Variants in ZNF615 observed in about 807,000 individuals in gnomAD.
ZNF615 encodes the protein zinc finger protein 615.
A neutral mutation model predicts 15.3 loss-of-function variants in ZNF615; 15 were observed. The observed-to-expected ratio is 0.98, with a 90% CI of 0.66 to 1.51. The LOEUF is 1.51. ZNF615 is among the 40% of genes most tolerant of loss of function. The probability of loss-of-function intolerance (pLI) is 0.00; values close to 1 mark genes in which losing one functional copy is unlikely to be tolerated. For missense variants in ZNF615, 848 were observed against 895.9 expected (o/e 0.95, Z 0.68); for synonymous variants, 268 against 294.6 (o/e 0.91, Z 0.92).
chr19:51,998,193 T>C (rs1002238717), intron 6 of ZNF615, among the ~76,000 whole-genome samples: 12 of 152,212 alleles, frequency 7.9e-5, no homozygotes, highest in African/African-American at 2.7e-4. Context: ...TGACAGGCAG[T>C]ATGTGACCTC....
At chr19:52,004,193 C>T (rs1443920910) in intron 2 of ZNF615, among the ~76,000 whole-genome samples, 2 of 152,112 alleles carry the variant, frequency 1.3e-5, no homozygotes, top group African/African-American at 4.8e-5. Flanking sequence ...CTCAGGCAGA[C>T]CAGTTTTAGG....
Position 51,992,847 on chromosome 19 carries a change from G to GCC in ZNF615, c.*31_*32dup. ...ACTCTTCTTTGCAGATATCTTAAGGGCCTACATCTGGCAAGAGGCTTTCCC... is the reference window on the plus strand; with the variant it reads ...ACTCTTCTTTGCAGATATCTTAAGGGCCCCTACATCTGGCAAGAGGCTTTCCC... On this transcript the variant is annotated 3_prime_UTR_variant, in exon 7 of 7. Transcript: ENST00000598071. The GCC allele has an allele frequency of 6.2e-7, 1 of 1,607,160 alleles. No individual in the cohort carries two copies. Among genetic ancestry groups the GCC allele is most frequent in the Non-Finnish European group, 8.5e-7 (1 of 1,175,114 alleles).
At position 51,993,313 on chromosome 19, in the gene ZNF615, C is replaced by G; in HGVS notation, c.1796G>C (p.Arg599Pro). ...TGKSMLIAHQ[R>P]THTGEKPYIC... ...ATAAGGTTTCTCCCCAGTATGAGTT[C>G]GCTGATGTGCAATGAGCATGCTTTT... The change falls in exon 7 of 7, where the codon CGA (arginine) becomes CCA (proline). Residue 599 changes from arginine (R) to proline (P), a missense_variant. Transcript: ENST00000598071. 1 of 1,614,070 alleles carries G rather than the reference C, an allele frequency of 6.2e-7. No homozygotes were observed. The highest frequency in any genetic ancestry group is 8.5e-7 in the Non-Finnish European group (1 of 1,180,012).
In ZNF615 at chr19:52,003,833, G is replaced by A; in HGVS notation, c.-122C>T. 1 of 1,542,476 alleles carries A rather than the reference G, an allele frequency of 6.5e-7. No homozygotes were observed. The highest frequency in any genetic ancestry group is 8.7e-7 in the Non-Finnish European group (1 of 1,147,862). ...AATCAAGGATGTCCCCAGAAATGAT[G>A]ACACCCAAGTCTTGGAAACTCCGCC... is the stretch of plus-strand genomic sequence containing the variant. On this transcript the variant is annotated 5_prime_UTR_variant, in exon 3 of 7. Coordinates refer to ENST00000598071, the MANE Select transcript of ZNF615 (RefSeq NM_001199324.2).
rs1250858749 is a variant in ZNF615, at chr19:52,002,140, G to A, written c.142+15C>T. 1 of 1,614,134 alleles carries A rather than the reference G, an allele frequency of 6.2e-7. No homozygotes were observed. Among genetic ancestry groups the A allele is most frequent in the East Asian group, 2.2e-5 (1 of 44,862 alleles). ...ACTGGGCACCCTCTGAGTGACACAGGGCAGCTGTCCTCACCCACTGCCACC... is the reference window on the plus strand; with the variant it reads ...ACTGGGCACCCTCTGAGTGACACAGAGCAGCTGTCCTCACCCACTGCCACC... On this transcript the variant is annotated intron_variant, in intron 4 of 6. Transcript: ENST00000598071.
At chr19:51,999,790 G>A (rs918829527) in intron 6 of ZNF615, among the ~76,000 whole-genome samples, 2 of 152,166 alleles carry the variant, frequency 1.3e-5, no homozygotes, top group African/African-American at 2.4e-5. Context: ...AATAATATAC[G>A]ATATTAAAAG....
At chr19:51,998,014 T>C (rs984123985) in intron 6 of ZNF615, among the ~76,000 whole-genome samples, 9 of 152,234 alleles carry the variant, frequency 5.9e-5, no homozygotes, top group Admixed American at 1.3e-4. Context: ...TGTCACAAAC[T>C]GTAATCATGA....
chr19:51,991,826 G>A lies in ZNF615; in HGVS notation c.*1054C>T, dbSNP rs978044096. The A allele has an allele frequency of 5.9e-5, 9 of 152,052 alleles. No homozygotes were observed. The highest frequency in any genetic ancestry group is 1.3e-4 in the Non-Finnish European group (9 of 68,018). 9.4% of individuals were successfully genotyped at this position (152,052 alleles called of 1,614,324 possible). A position where few individuals can be genotyped will look rare whatever the true frequency, so the allele number is the denominator to read the frequency against. Reference sequence around the variant, plus strand: ...AATAAATTCTGTAGTTAACAGTATTGTAACAATTTCACTTTCCTGTATTTG... The same window carrying A: ...AATAAATTCTGTAGTTAACAGTATTATAACAATTTCACTTTCCTGTATTTG... On this transcript the variant is annotated 3_prime_UTR_variant, in exon 7 of 7. Transcript: ENST00000598071.
At chr19:52,007,906 G>A (rs1176621418) in intron 1 of ZNF615, 4 of 509,128 alleles carry the variant, frequency 7.9e-6, no homozygotes, top group African/African-American at 5.8e-5. Context: ...CGAGGACCCT[G>A]TGACTGGTCC....
intron 5 of ZNF615, among the ~76,000 whole-genome samples, chr19:52,001,096 T>C (rs1428387422): frequency 9.2e-5 from 14 of 152,024 alleles, no homozygotes; most frequent in African/African-American, 2.4e-5. Context: ...AGGAAAATTA[T>C]TATTTTCCTA....
intron 1 of ZNF615, among the ~76,000 whole-genome samples, chr19:52,007,620 C>A (rs768822847): frequency 7.9e-5 from 12 of 152,192 alleles, no homozygotes; most frequent in Non-Finnish European, 1.5e-4. Context: ...CCCAGGCCTC[C>A]AGAGCTGCAG....
At chr19:52,004,829 GT>G (rs2086702948) in intron 2 of ZNF615, 1 of 152,188 alleles carries the variant, frequency 6.6e-6, no homozygotes, top group Non-Finnish European at 1.5e-5. Context: ...GATGACTCCA[GT>G]GTAAGCAGAG....
At chr19:51,996,799 G>A (rs1170861509) in intron 6 of ZNF615, among the ~76,000 whole-genome samples, 3 of 152,202 alleles carry the variant, frequency 2.0e-5, no homozygotes, top group Non-Finnish European at 4.4e-5. Flanking sequence ...ATGATCAGGT[G>A]CACAAGTGGA....
At chr19:52,005,013 C>A (rs112871156) in intron 2 of ZNF615, among the ~76,000 whole-genome samples, 4,245 of 152,244 alleles carry the variant, frequency 0.028, 188 homozygotes, top group African/African-American at 0.093. Flanking sequence ...GTAATCCCAA[C>A]ACTTTGGGAG....
rs1273542990 is a variant in ZNF615 at position 52,001,860 on chromosome 19, TCTC to T, written c.188_190del (p.Gly63del). Reference sequence around the variant, plus strand: ...TTCATCTTCTGTTGTGCAAGTTTCTTCTCCTCGTTCCAATTTGGAGAGTGCATC... The same window carrying T: ...TTCATCTTCTGTTGTGCAAGTTTCTTCTCGTTCCAATTTGGAGAGTGCATC... On this transcript the variant is annotated inframe_deletion, in exon 5 of 7. Coordinates refer to ENST00000598071, the MANE Select transcript of ZNF615 (RefSeq NM_001199324.2). 1.2e-6 allele frequency: 2 copies of T among 1,614,008 alleles called. No homozygotes were observed. The highest frequency in any genetic ancestry group is 8.5e-7 in the Non-Finnish European group (1 of 1,180,046).
intron 6 of ZNF615, among the ~76,000 whole-genome samples, chr19:51,998,993 A>G (rs2086518929): frequency 6.6e-6 from 1 of 152,226 alleles, no homozygotes; most frequent in Non-Finnish European, 1.5e-5. Context: ...ATATGACAAG[A>G]AACATGATTA....
intron 2 of ZNF615, 32 bp downstream of exon 2, chr19:52,007,261 G>C (rs754849342): frequency 3.2e-6 from 4 of 1,266,150 alleles, no homozygotes; most frequent in Non-Finnish European, 3.1e-6. Flanking sequence ...CTGAAAATTT[G>C]ACAAAGGTTA....
Position 51,999,696 on chromosome 19 carries a change from A to G in ZNF615, c.271+650T>C, listed in dbSNP as rs550351822. 5.0e-4 allele frequency among the ~76,000 whole-genome samples: 76 copies of G among 152,368 alleles called. 1 individual carries two copies. The South Asian group carries it at 0.015, about 30-fold the overall frequency. ...AATGAATGCAGTCAAAACATCTAAC[A>G]TGAATTAAAGAAAGTTCAGAATTAG... is the stretch of plus-strand genomic sequence containing the variant. On this transcript the variant is annotated intron_variant, in intron 6 of 6. Coordinates refer to ENST00000598071, the MANE Select transcript of ZNF615 (RefSeq NM_001199324.2).
At position 51,994,468 on chromosome 19, in the gene ZNF615, G is replaced by C; in HGVS notation, c.641C>G (p.Ala214Gly). The C allele has an allele frequency of 6.2e-7, 1 of 1,614,140 alleles. No individual in the cohort carries two copies. The change falls in exon 7 of 7, where the codon GCC becomes GGC. Residue 214 changes from alanine to glycine, a missense_variant. Ala to Gly is a moderately conservative substitution (Grantham distance 60). Transcript: ENST00000598071. ...KQQRTHNIEN[A>G]HVCSECGKAF... ...TTTCCCACATTCACTGCATACATGG[G>C]CATTCTCTATGTTGTGAGTTCTCTG...
Sources: allele counts gnomAD v4.1 joint callset (sites outside exome capture counted in the v4.1 genomes callset), GRCh38; gene constraint gnomAD v4.1.1; transcripts MANE v1.5; gene names NCBI Gene and HGNC (gene_info 2026-07-23, HGNC 2026-07-21).